USP34: variants seen among roughly 807,000 people sequenced by gnomAD.
The protein encoded by USP34 is ubiquitin carboxyl-terminal hydrolase 34.
A neutral mutation model predicts 460.3 loss-of-function variants in USP34; 70 were observed. The observed-to-expected ratio is 0.15, with a 90% CI of 0.13 to 0.19. The LOEUF (loss-of-function observed/expected upper bound fraction) is 0.19, where lower values mean the gene tolerates loss of function less well. Ranked by LOEUF, USP34 falls within the 10% of genes least tolerant of loss-of-function variation. USP34 has a pLI of 1.00. For missense variants in USP34, 3,985 were observed against 4,236.2 expected, an observed-to-expected ratio of 0.94 and a Z score of 1.65; for synonymous variants, 1,647 against 1,405.3, an observed-to-expected ratio of 1.17 and a Z score of -3.85.
chr2:61,364,130 C>T (rs1692357384), intron 10 of USP34, among the ~76,000 whole-genome samples: 1 of 152,234 alleles, frequency 6.6e-6, no homozygotes, highest in Non-Finnish European at 1.5e-5. Context: ...AATCCCCGCA[C>T]TTTGGGAGAC....
intron 61 of USP34, among the ~76,000 whole-genome samples, chr2:61,227,968 G>T (rs1048382122): frequency 2.0e-5 from 3 of 152,098 alleles, no homozygotes; most frequent in Non-Finnish European, 2.9e-5. Flanking sequence ...ATTCACTTGG[G>T]CTTCTAAATG....
At chr2:61,389,192 G>A (rs564907817) in intron 5 of USP34, among the ~76,000 whole-genome samples, 1 of 152,150 alleles carries the variant, frequency 6.6e-6, no homozygotes, top group East Asian at 1.9e-4. Context: ...AGAAGAGATG[G>A]AATAGTTAGT....
Position 61,188,078 on chromosome 2 carries a change from A to G in USP34, c.*24T>C, listed in dbSNP as rs776008043. The G allele has an allele frequency of 1.9e-6, 3 of 1,592,296 alleles. No homozygotes were observed. The highest frequency in any genetic ancestry group is 1.7e-6 in the Non-Finnish European group (2 of 1,169,128). On this transcript the variant is annotated 3_prime_UTR_variant, in exon 80 of 80. Coordinates refer to ENST00000398571, the MANE Select transcript of USP34 (RefSeq NM_014709.4). ...ATGGGGGTTGGGGGTGAGGGACTTA[A>G]AAGTAGACATGCTACACCTAATGTC...
At chr2:61,359,413 C>G (rs1466743615) in intron 10 of USP34, among the ~76,000 whole-genome samples, 2 of 152,136 alleles carry the variant, frequency 1.3e-5, no homozygotes, top group Non-Finnish European at 2.9e-5. Flanking sequence ...AAAGTTTAAT[C>G]TTTACCTTAC....
chr2:61,248,082 G>A (rs1381826832), intron 49 of USP34, among the ~76,000 whole-genome samples: 2 of 151,296 alleles, frequency 1.3e-5, no homozygotes, highest in South Asian at 4.2e-4. Flanking sequence ...AGCTTCTTGG[G>A]AGGCTGAGGC....
At chr2:61,354,497 A>T (rs971274278) in intron 10 of USP34, among the ~76,000 whole-genome samples, 1 of 152,206 alleles carries the variant, frequency 6.6e-6, no homozygotes, top group Non-Finnish European at 1.5e-5. Flanking sequence ...TTGCTAAAAG[A>T]CAGTTTCCCA....
intron 75 of USP34, among the ~76,000 whole-genome samples, chr2:61,202,584 T>C (rs777973419): frequency 4.6e-5 from 7 of 152,188 alleles, no homozygotes; most frequent in Non-Finnish European, 1.0e-4. Flanking sequence ...CCCCGCCACA[T>C]AATTCACTGA....
At chr2:61,199,105 T>A (rs151044034) in intron 75 of USP34, among the ~76,000 whole-genome samples, 5 of 152,176 alleles carry the variant, frequency 3.3e-5, no homozygotes, top group Admixed American at 1.3e-4. Context: ...ATTTTCACCA[T>A]GTAGTATTTT....
chr2:61,383,138 C>A (rs771779814), intron 6 of USP34, 131 bp downstream of exon 6: 1 of 522,894 alleles, frequency 1.9e-6, no homozygotes. Flanking sequence ...ACACTATATA[C>A]CAAACTGTTA....
chr2:61,425,689 T>C (rs993558006), intron 1 of USP34, among the ~76,000 whole-genome samples: 1 of 152,088 alleles, frequency 6.6e-6, no homozygotes, highest in Admixed American at 6.5e-5. Flanking sequence ...CCGTAAGGAC[T>C]ACAACTCTTA....
chr2:61,191,874 A>G (rs1196924215), intron 76 of USP34, among the ~76,000 whole-genome samples: 3 of 152,244 alleles, frequency 2.0e-5, no homozygotes, highest in African/African-American at 7.2e-5. Flanking sequence ...ATCAACTGAT[A>G]AAAGTCATTT....
chr2:61,370,356 T>C lies in USP34; in HGVS notation c.1216A>G (p.Thr406Ala), dbSNP rs955760028. ...GCCCAAATACAGTCAATATGTTGAG[T>C]ACTCAGTCGCCCTTCTGCTGCCAAA... ...NFLAAEGRLSTQHIDCIWAAA... is the reference protein window; with the variant it reads ...NFLAAEGRLSAQHIDCIWAAA... Residue 406 changes from threonine (T) to alanine (A), a missense_variant, in exon 10 of 80, where the codon ACT becomes GCT. By Grantham distance (58) the Thr-to-Ala change is moderately conservative. Around this residue, in one of 14 missense-constraint regions of USP34, gnomAD observed 716 missense variants for 626.2 expected, o/e 1.14. Transcript: ENST00000398571. 1 of 1,614,104 alleles carries C rather than the reference T, an allele frequency of 6.2e-7. No individual in the cohort carries two copies.
chr2:61,342,332 A>C (rs1305158203), intron 16 of USP34, among the ~76,000 whole-genome samples: 3 of 109,100 alleles, frequency 2.7e-5, no homozygotes, highest in African/African-American at 3.7e-5. Flanking sequence ...ACGGAGTCTC[A>C]CTCTGTCATC....
intron 14 of USP34, 40 bp from the exon 15 acceptor site, chr2:61,348,520 C>G (rs1332452374): frequency 1.1e-5 from 18 of 1,567,080 alleles, no homozygotes; most frequent in Non-Finnish European, 8.6e-7. Flanking sequence ...AATATTTAAA[C>G]CAGTAAGAAA....
chr2:61,348,957 A>G (rs888404939), intron 13 of USP34, 71 bp from the exon 14 acceptor site: 137 of 1,485,760 alleles, frequency 9.2e-5, no homozygotes, highest in Non-Finnish European at 1.2e-4. Context: ...TGACATTATC[A>G]TTTGATTCCT....
chr2:61,243,215 C>T (rs555435402), intron 51 of USP34, among the ~76,000 whole-genome samples: 25 of 151,640 alleles, frequency 1.6e-4, no homozygotes, highest in African/African-American at 3.9e-4. Context: ...GGCGCGATGT[C>T]GGCTCACTGC....
At chr2:61,416,873 G>A in intron 2 of USP34, 1 of 730,096 alleles carries the variant, frequency 1.4e-6, no homozygotes, top group South Asian at 1.6e-5. Context: ...GGGCAGCACA[G>A]TGGAAGCCCT....
chr2:61,418,868 G>A (rs1694276377), intron 2 of USP34, among the ~76,000 whole-genome samples: 1 of 152,168 alleles, frequency 6.6e-6, no homozygotes, highest in Non-Finnish European at 1.5e-5. Flanking sequence ...TTACTGACAG[G>A]TGAACAAAAT....
intron 1 of USP34, among the ~76,000 whole-genome samples, chr2:61,468,684 C>A (rs1350189825): frequency 6.6e-6 from 1 of 152,150 alleles, no homozygotes; most frequent in Non-Finnish European, 1.5e-5. Flanking sequence ...GCTGGTTGAA[C>A]TAACTGTATT....
Sources: allele counts gnomAD v4.1 joint callset (sites outside exome capture counted in the v4.1 genomes callset), GRCh38; gene constraint gnomAD v4.1.1; regional missense constraint gnomAD v4.1.1; transcripts MANE v1.5; gene names NCBI Gene and HGNC (gene_info 2026-07-23, HGNC 2026-07-21).